Variants in ANGPT1 observed in about 807,000 individuals in gnomAD.
The protein encoded by ANGPT1 is angiopoietin-1.
ANGPT1 carries 17 observed loss-of-function variants against 62.2 expected under a neutral mutation model. The observed-to-expected ratio is 0.27, with a 90% CI of 0.19 to 0.41. The LOEUF is 0.41. Among genes scored for constraint, ANGPT1 ranks in the 10% least tolerant of loss-of-function variants. The pLI is 1.00. For synonymous variants in ANGPT1, 199 were observed against 198.9 expected, an observed-to-expected ratio of 1.00 and a Z score of 0.00; for missense variants, 478 against 594.9, an observed-to-expected ratio of 0.80 and a Z score of 2.04.
chr8:107,291,206 G>C (rs1814262784), intron 6 of ANGPT1, among the ~76,000 whole-genome samples: 1 of 152,044 alleles, frequency 6.6e-6, no homozygotes, highest in Non-Finnish European at 1.5e-5. Flanking sequence ...TTTCATCTTG[G>C]ATAATAAAAA....
chr8:107,305,986 A>G (rs1814705826), intron 4 of ANGPT1, among the ~76,000 whole-genome samples: 2 of 151,998 alleles, frequency 1.3e-5, no homozygotes, highest in Admixed American at 1.3e-4. Flanking sequence ...TGACCTTTAG[A>G]GTTTTTTTTG....
chr8:107,418,885 ACT>A (rs1322482636), intron 1 of ANGPT1, among the ~76,000 whole-genome samples: 2 of 152,144 alleles, frequency 1.3e-5, no homozygotes, highest in African/African-American at 4.8e-5. Flanking sequence ...TAGGATAAGT[ACT>A]CTCTCAAAAT....
chr8:107,350,509 C>T (rs1815909681), intron 1 of ANGPT1, among the ~76,000 whole-genome samples: 1 of 152,102 alleles, frequency 6.6e-6, no homozygotes, highest in African/African-American at 2.4e-5. Context: ...CCATTCTGTA[C>T]TATTGTGCTT....
intron 1 of ANGPT1, among the ~76,000 whole-genome samples, chr8:107,399,496 A>G (rs772395663): frequency 3.9e-5 from 6 of 152,180 alleles, no homozygotes; most frequent in Non-Finnish European, 7.3e-5. Flanking sequence ...AAAATTGTTT[A>G]TGTCAGTCTC....
At chr8:107,442,031 C>T (rs1321135692) in intron 1 of ANGPT1, among the ~76,000 whole-genome samples, 1 of 151,990 alleles carries the variant, frequency 6.6e-6, no homozygotes, top group Non-Finnish European at 1.5e-5. Context: ...TTGCAGTGAG[C>T]CAAGATCACG....
At chr8:107,471,136 G>A (rs553256574) in intron 1 of ANGPT1, among the ~76,000 whole-genome samples, 2 of 152,068 alleles carry the variant, frequency 1.3e-5, no homozygotes, top group Non-Finnish European at 2.9e-5. Context: ...CAAAGACCTG[G>A]AACCAACCCA....
At chr8:107,296,236 A>G (rs1814412657) in intron 5 of ANGPT1, among the ~76,000 whole-genome samples, 1 of 152,102 alleles carries the variant, frequency 6.6e-6, no homozygotes, top group East Asian at 1.9e-4. Context: ...CCTGAGAAGG[A>G]CAGAATACAT....
In ANGPT1 at chr8:107,497,250, G is replaced by A. The variant is rs1426638824; in HGVS notation, c.297+12C>T. The A allele has an allele frequency of 9.9e-6, 16 of 1,611,850 alleles. No homozygotes were observed. Among genetic ancestry groups the A allele is most frequent in the Admixed American group, 1.7e-5 (1 of 59,854 alleles). ...AGGTCCGTGCTATTAGAAACTGAAA[G>A]CAATCACTTACTTTTTGCAGCCACT... On this transcript the variant is annotated intron_variant, in intron 1 of 8. Transcript: ENST00000517746.
At chr8:107,370,973 A>T (rs1285832705) in intron 1 of ANGPT1, among the ~76,000 whole-genome samples, 3 of 11,302 alleles carry the variant, frequency 2.7e-4, no homozygotes, top group Non-Finnish European at 7.8e-4. Flanking sequence ...GATTTGTTTA[A>T]AAAAAAAAAA....
At chr8:107,276,155 T>C (rs1465243116) in intron 7 of ANGPT1, among the ~76,000 whole-genome samples, 2 of 152,112 alleles carry the variant, frequency 1.3e-5, no homozygotes, top group African/African-American at 4.8e-5. Context: ...AATATAAATT[T>C]TGATGATTAA....
chr8:107,323,470 T>C (rs1397754993), intron 3 of ANGPT1, among the ~76,000 whole-genome samples: 2 of 152,192 alleles, frequency 1.3e-5, no homozygotes, highest in Admixed American at 6.5e-5. Flanking sequence ...AAATAGAGCA[T>C]GTTTGAAGAG....
Position 107,493,364 on chromosome 8 carries a change from G to A in ANGPT1, c.297+3898C>T, listed in dbSNP as rs535771306. On this transcript the variant is annotated intron_variant, in intron 1 of 8. Coordinates refer to ENST00000517746, the MANE Select transcript of ANGPT1 (RefSeq NM_001146.5). ...GCCTGGGAGGGTAAGTGGAGTGTGG[G>A]TAGATTTCCTGGAGAAACTGGCAAC... Among the ~76,000 whole-genome samples, 33 of 150,416 alleles carry A rather than the reference G, an allele frequency of 2.2e-4. 3 individuals carry two copies. In the South Asian group the frequency reaches 7.0e-3, roughly 32 times the overall value.
At chr8:107,481,444 G>C (rs911344954) in intron 1 of ANGPT1, among the ~76,000 whole-genome samples, 1 of 138,636 alleles carries the variant, frequency 7.2e-6, no homozygotes, top group African/African-American at 2.7e-5. Context: ...TGAGGCAGGA[G>C]TATCACTTGA....
At chr8:107,349,813 TC>T (rs1201343335) in intron 1 of ANGPT1, among the ~76,000 whole-genome samples, 1 of 152,168 alleles carries the variant, frequency 6.6e-6, no homozygotes, top group East Asian at 1.9e-4. Flanking sequence ...GCTTGAGTGT[TC>T]ATCAAAACTA....
At chr8:107,275,631 C>A (rs1813846639) in intron 7 of ANGPT1, among the ~76,000 whole-genome samples, 1 of 152,106 alleles carries the variant, frequency 6.6e-6, no homozygotes, top group Non-Finnish European at 1.5e-5. Context: ...TGGGTATGCA[C>A]CTGCATGAAC....
chr8:107,447,427 A>C (rs1490638234), intron 1 of ANGPT1, among the ~76,000 whole-genome samples: 1 of 152,148 alleles, frequency 6.6e-6, no homozygotes, highest in African/African-American at 2.4e-5. Context: ...CAGACTATAC[A>C]TCCCTGCCAC....
intron 7 of ANGPT1, among the ~76,000 whole-genome samples, chr8:107,277,339 G>A (rs1044017027): frequency 3.9e-5 from 6 of 152,062 alleles, no homozygotes; most frequent in African/African-American, 1.4e-4. Flanking sequence ...TATTAAGGCA[G>A]AAAAATTTTT....
chr8:107,317,922 C>T (rs761008430), intron 4 of ANGPT1, among the ~76,000 whole-genome samples: 6 of 152,130 alleles, frequency 3.9e-5, no homozygotes, highest in East Asian at 3.9e-4. Flanking sequence ...TGAGCCACCG[C>T]GCCTGGCCAA....
intron 7 of ANGPT1, 23 bp downstream of exon 7, chr8:107,284,659 C>A: frequency 6.8e-7 from 1 of 1,470,656 alleles, no homozygotes; most frequent in South Asian, 1.6e-5. Context: ...GGTAGTCGAA[C>A]ACTACACTGT....
Sources: gnomAD v4.1 joint callset for allele counts (sites outside exome capture counted in the v4.1 genomes callset) on GRCh38, gnomAD v4.1.1 for gene constraint, MANE v1.5 for transcripts, NCBI Gene and HGNC (gene_info 2026-07-23, HGNC 2026-07-21) for gene names.